PDE4DIP: variants seen among roughly 807,000 people sequenced by gnomAD.
The protein encoded by PDE4DIP is myomegalin.
A neutral mutation model predicts 221.4 loss-of-function variants in PDE4DIP; 59 were observed. The ratio of observed to expected loss-of-function variants is 0.27; its 90% CI spans 0.22 to 0.33. The LOEUF (loss-of-function observed/expected upper bound fraction) is 0.33. PDE4DIP is among the 10% of genes least tolerant of loss of function. The pLI is 1.00. For synonymous variants in PDE4DIP, 404 were observed against 815.9 expected, an observed-to-expected ratio of 0.50 and a Z score of 8.60; for missense variants, 1,036 against 2,154.2, an observed-to-expected ratio of 0.48 and a Z score of 10.28.
At chr1:149,015,738 C>T (rs2070298994) in intron 32 of PDE4DIP, among the ~76,000 whole-genome samples, 2 of 150,576 alleles carry the variant, frequency 1.3e-5, no homozygotes, top group African/African-American at 4.8e-5. Flanking sequence ...CTTACATAGG[C>T]CCTTCCCCAG....
At chr1:148,968,608 C>G (rs1406286613) in intron 13 of PDE4DIP, among the ~76,000 whole-genome samples, 10 of 151,666 alleles carry the variant, frequency 6.6e-5, no homozygotes, top group Non-Finnish European at 1.3e-4. Context: ...TAAGTGGCCA[C>G]CAGAGATAGT....
chr1:148,914,345 C>T (rs1426995152), intron 1 of PDE4DIP, among the ~76,000 whole-genome samples: 76 of 149,528 alleles, frequency 5.1e-4, no homozygotes, highest in African/African-American at 1.7e-3. Context: ...ACCTTTGGCC[C>T]GCCAGACGTG....
intron 9 of PDE4DIP, among the ~76,000 whole-genome samples, chr1:148,964,168 G>A (rs1335576862): frequency 2.9e-4 from 43 of 145,940 alleles, no homozygotes; most frequent in African/African-American, 9.7e-4. Context: ...GGAGTGCAAC[G>A]ACACAATCTC....
chr1:149,017,129 C>T (rs1351878195), intron 33 of PDE4DIP, among the ~76,000 whole-genome samples: 10 of 151,186 alleles, frequency 6.6e-5, no homozygotes, highest in Non-Finnish European at 1.3e-4. Flanking sequence ...GATATTTTTG[C>T]TTTGTTTGGC....
intron 43 of PDE4DIP, 134 bp downstream of exon 46, chr1:149,030,412 C>T: frequency 6.6e-7 from 1 of 1,504,230 alleles, no homozygotes; most frequent in Non-Finnish European, 8.9e-7. Flanking sequence ...CTTGCAAGAT[C>T]ACAGGTCCTC....
chr1:148,953,107 G>A (rs1340236671), intron 5 of PDE4DIP: 8 of 1,614,084 alleles, frequency 5.0e-6, no homozygotes, highest in Non-Finnish European at 6.8e-6. Flanking sequence ...CGGAGATCAA[G>A]GCGGGGAATG....
chr1:148,930,183 A>C (rs2047568341), intron 2 of PDE4DIP: 1 of 152,034 alleles, frequency 6.6e-6, no homozygotes, highest in Non-Finnish European at 1.5e-5. Context: ...TTCAGACTTC[A>C]ATAAAGTTTC....
chr1:148,968,006 T>C (rs1173907583), intron 13 of PDE4DIP, 101 bp downstream of exon 16: 22 of 673,308 alleles, frequency 3.3e-5, no homozygotes, highest in Non-Finnish European at 4.9e-5. Context: ...CCCAAGTCTT[T>C]AATTTCATTC....
rs769875740 is a variant in PDE4DIP at position 149,032,463 on chromosome 1, G to A, written c.*478G>A. On this transcript the variant is annotated 3_prime_UTR_variant, in exon 44 of 44. Transcript: ENST00000369354. Reference sequence around the variant, plus strand: ...CACTACTGAGCAGCGGTGCCCTGCCGGACACTGCTGGCGGGGGCTCAGTGA... The same window carrying A: ...CACTACTGAGCAGCGGTGCCCTGCCAGACACTGCTGGCGGGGGCTCAGTGA... 4.4e-3 allele frequency: 1,671 copies of A among 380,344 alleles called. 8 individuals carry two copies. Among genetic ancestry groups the A allele is most frequent in the Non-Finnish European group, 5.6e-3 (1,147 of 204,300 alleles). The allele number at this position is 380,344 out of a possible 1,614,324, so 23.6% of individuals were successfully genotyped here. A position where few individuals can be genotyped will look rare whatever the true frequency, so the allele number is the denominator to read the frequency against.
At chr1:148,966,918 G>A (rs782442895) in exon 12 of PDE4DIP, 64 of 1,612,894 alleles carry the variant, frequency 4.0e-5, no homozygotes, top group African/African-American at 1.5e-4. Flanking sequence ...GTGAGAGAGC[G>A]AGATCATGAC....
chr1:148,859,536 T>C (rs1663909), intron 1 of PDE4DIP, among the ~76,000 whole-genome samples: 18 of 152,216 alleles, frequency 1.2e-4, no homozygotes, highest in Admixed American at 6.6e-4. Context: ...AGGTAAGACA[T>C]TGAGGAAAAA....
chr1:148,968,105 C>T (rs587657747), intron 13 of PDE4DIP, among the ~76,000 whole-genome samples, 200 bp downstream of exon 16: 1 of 146,684 alleles, frequency 6.8e-6, no homozygotes, highest in African/African-American at 2.5e-5. Flanking sequence ...TCTCAAAGAA[C>T]TTATGTGAGA....
At chr1:148,923,623 G>A (rs1261201776) in intron 1 of PDE4DIP, among the ~76,000 whole-genome samples, 6 of 144,818 alleles carry the variant, frequency 4.1e-5, no homozygotes, top group Non-Finnish European at 6.0e-5. Context: ...ACAGGAGCCC[G>A]CCACCGCTCC....
At chr1:148,987,850 T>C (rs2062180464) in intron 21 of PDE4DIP, among the ~76,000 whole-genome samples, 1 of 152,100 alleles carries the variant, frequency 6.6e-6, no homozygotes. Context: ...GAAGATCCCT[T>C]GAGCCCAGCA....
chr1:148,846,444 CAAAAAAAAAAAAA>C (rs143812422), intron 1 of PDE4DIP, among the ~76,000 whole-genome samples: 4 of 3,534 alleles, frequency 1.1e-3, no homozygotes, highest in Non-Finnish European at 1.8e-3. Context: ...AACTCCGCCT[CAAAAAAAAAAAAA>C]AAAAAAAAAA....
chr1:149,029,869 A>G lies in PDE4DIP; in HGVS notation c.6896A>G (p.His2299Arg), dbSNP rs111954372. The stretch of plus-strand genomic sequence containing the variant: ...CGACTCCTTCAGAGCACAACTGAGC[A>G]TCTGAAGAACGCCAACCAGCAGAAG... Residue 2299 changes from histidine (H) to arginine (R), a missense_variant, in exon 42 of 44, where the codon CAT becomes CGT. His to Arg is a conservative substitution (Grantham distance 29). Coordinates refer to ENST00000369354, the Ensembl canonical transcript of PDE4DIP. The G allele has an allele frequency of 8.7e-6, 14 of 1,605,396 alleles. No homozygotes were observed. The African/African-American group carries it at 1.3e-4, about 15-fold the overall frequency.
intron 1 of PDE4DIP, among the ~76,000 whole-genome samples, chr1:148,824,378 G>A (rs1261982658): frequency 1.1e-4 from 16 of 149,906 alleles, no homozygotes; most frequent in Admixed American, 1.1e-3. Flanking sequence ...AAGAGAGCAT[G>A]CATACTCCAA....
In PDE4DIP at chr1:149,018,027, T is replaced by C. The variant is rs587658915; in HGVS notation, c.5650+148T>C. 5.5e-4 allele frequency: 373 copies of C among 679,064 alleles called. 1 individual carries two copies. In the African/African-American group the frequency reaches 6.2e-3, roughly 11 times the overall value. 42.1% of individuals were successfully genotyped at this position (679,064 alleles called of 1,614,324 possible). On this transcript the variant is annotated intron_variant, in intron 34 of 43. Transcript: ENST00000369354. ...CTGTCATCCCTACTTTCTGAATATATCTGAGTTTAGAGAGTAACTCTCTTT... is the reference window on the plus strand; with the variant it reads ...CTGTCATCCCTACTTTCTGAATATACCTGAGTTTAGAGAGTAACTCTCTTT...
chr1:148,979,035 T>C (rs1160870232), intron 19 of PDE4DIP, among the ~76,000 whole-genome samples: 1 of 133,132 alleles, frequency 7.5e-6, no homozygotes, highest in African/African-American at 2.8e-5. Flanking sequence ...CTCTCCCAGT[T>C]AAAAAAAAAA....
Sources: allele counts gnomAD v4.1 joint callset (sites outside exome capture counted in the v4.1 genomes callset), GRCh38; gene constraint gnomAD v4.1.1; transcripts MANE v1.5; gene names NCBI Gene and HGNC (gene_info 2026-07-23, HGNC 2026-07-21).